PHF21B: variants seen among roughly 807,000 people sequenced by gnomAD.
PHF21B encodes PHD finger protein 4.
Under a neutral mutation model 62.2 loss-of-function variants are expected in PHF21B, and 22 were observed. The observed-to-expected ratio is 0.35, with a 90% CI of 0.25 to 0.51. The LOEUF (loss-of-function observed/expected upper bound fraction) is 0.51. Among genes scored for constraint, PHF21B ranks in the 20% least tolerant of loss-of-function variants. The probability of loss-of-function intolerance (pLI) is 0.97; values close to 1 mark genes in which losing one functional copy is unlikely to be tolerated. For synonymous variants in PHF21B, 341 were observed against 314.7 expected, an observed-to-expected ratio of 1.08 and a Z score of -0.88; for missense variants, 701 against 707.9, an observed-to-expected ratio of 0.99 and a Z score of 0.11.
At chr22:44,906,958 G>GC (rs2071261819) in intron 5 of PHF21B, among the ~76,000 whole-genome samples, 1 of 152,134 alleles carries the variant, frequency 6.6e-6, no homozygotes, top group African/African-American at 2.4e-5. Context: ...TGGGGTGATG[G>GC]CCACCGCCCT....
At chr22:44,966,697 G>A (rs534142791) in intron 2 of PHF21B, among the ~76,000 whole-genome samples, 13 of 152,334 alleles carry the variant, frequency 8.5e-5, no homozygotes, top group African/African-American at 3.1e-4. Flanking sequence ...GCATGAGGTA[G>A]CGGTAGCCCC....
chr22:44,960,956 A>T (rs375915352), intron 2 of PHF21B, among the ~76,000 whole-genome samples: 14 of 120,890 alleles, frequency 1.2e-4, no homozygotes, highest in Non-Finnish European at 9.8e-5. Flanking sequence ...ACGTGAGTTG[A>T]TTTTTTTTTT....
At chr22:44,927,456 C>A (rs2071654610) in intron 2 of PHF21B, among the ~76,000 whole-genome samples, 1 of 152,088 alleles carries the variant, frequency 6.6e-6, no homozygotes. Flanking sequence ...AAAGGAGAGA[C>A]GATTCTGAGT....
chr22:44,960,394 C>A (rs530425252), intron 2 of PHF21B, among the ~76,000 whole-genome samples: 1 of 152,246 alleles, frequency 6.6e-6, no homozygotes, highest in Admixed American at 6.5e-5. Context: ...CCAGGCAAAG[C>A]CCCCCACTCC....
chr22:44,946,667 A>T (rs2072080906), intron 2 of PHF21B, among the ~76,000 whole-genome samples: 1 of 151,970 alleles, frequency 6.6e-6, no homozygotes. Context: ...CGTGGGTAGA[A>T]TCAATTCCAC....
At chr22:44,943,335 C>T (rs1030876136) in intron 2 of PHF21B, among the ~76,000 whole-genome samples, 1 of 152,180 alleles carries the variant, frequency 6.6e-6, no homozygotes, top group African/African-American at 2.4e-5. Flanking sequence ...GGCCGTAATC[C>T]CTAGGACAGA....
intron 2 of PHF21B, among the ~76,000 whole-genome samples, chr22:44,965,112 C>G (rs1367793088): frequency 5.3e-5 from 8 of 152,148 alleles, no homozygotes; most frequent in Non-Finnish European, 1.0e-4. Flanking sequence ...GAGTCCCAGC[C>G]TGGGACTCAA....
At chr22:44,926,011 C>G (rs866786353) in intron 2 of PHF21B, among the ~76,000 whole-genome samples, 1 of 152,242 alleles carries the variant, frequency 6.6e-6, no homozygotes, top group Non-Finnish European at 1.5e-5. Context: ...GGCCGCAGGC[C>G]GAGAGTAAGC....
Position 44,891,288 on chromosome 22 carries a change from C to T in PHF21B, c.1015+18G>A. ...GGCCCTGAGCAGCTCTGGCAGAAGG[C>T]CTGAAGCCGGTGCTTACCTCTCGCT... is the stretch of plus-strand genomic sequence containing the variant. On this transcript the variant is annotated intron_variant, in intron 8 of 12. Transcript: ENST00000313237. 1 of 1,613,306 alleles carries T rather than the reference C, an allele frequency of 6.2e-7. No individual in the cohort carries two copies. The highest frequency in any genetic ancestry group is 8.5e-7 in the Non-Finnish European group (1 of 1,179,852).
intron 2 of PHF21B, among the ~76,000 whole-genome samples, chr22:44,940,131 A>C (rs1342127812): frequency 6.6e-6 from 1 of 152,198 alleles, no homozygotes; most frequent in Non-Finnish European, 1.5e-5. Flanking sequence ...GAAGTGCTTA[A>C]GATGCCGCAC....
chr22:44,913,890 G>A lies in PHF21B; in HGVS notation c.763C>T (p.Pro255Ser). 1 of 1,614,042 alleles carries A rather than the reference G, an allele frequency of 6.2e-7. No individual in the cohort carries two copies. Among genetic ancestry groups the A allele is most frequent in the Non-Finnish European group, 8.5e-7 (1 of 1,180,012 alleles). ...TTGGTGGCCTGAGCTCCCTGAGATG[G>A]CTCCTCTGTGGGCGGCCGCGACTCT... ...TAESRPPTEE[P>S]SQGAQATKKK... The change falls in exon 5 of 13, where the codon CCA becomes TCA. Residue 255 changes from proline (P) to serine (S), a missense_variant. Transcript: ENST00000313237.
At chr22:44,985,690 C>T (rs1297050053) in intron 2 of PHF21B, among the ~76,000 whole-genome samples, 1 of 152,196 alleles carries the variant, frequency 6.6e-6, no homozygotes, top group African/African-American at 2.4e-5. Flanking sequence ...TATTTCCTCA[C>T]AGGGATGTGT....
chr22:44,914,715 G>C (rs769797729), intron 4 of PHF21B, among the ~76,000 whole-genome samples: 4 of 152,170 alleles, frequency 2.6e-5, no homozygotes, highest in Non-Finnish European at 5.9e-5. Flanking sequence ...GATGGGGAAG[G>C]GGAAGGGGGT....
intron 2 of PHF21B, among the ~76,000 whole-genome samples, chr22:44,923,216 A>C (rs531410570): frequency 6.6e-6 from 1 of 152,302 alleles, no homozygotes; most frequent in Non-Finnish European, 1.5e-5. Flanking sequence ...AGCAAAGCCC[A>C]AAAAGGTAAT....
Position 44,902,675 on chromosome 22 carries a change from G to A in PHF21B, c.832-6592C>T, listed in dbSNP as rs190422214. Among the ~76,000 whole-genome samples, 227 of 152,040 alleles carry A rather than the reference G, an allele frequency of 1.5e-3. No individual in the cohort carries two copies. The Middle Eastern group carries it at 0.017, about 11-fold the overall frequency. The stretch of plus-strand genomic sequence containing the variant: ...TTAGCCATCTCTTCCATAAATCTGT[G>A]TATTTTAGCCATGTAGTTTCCTTCT... On this transcript the variant is annotated intron_variant, in intron 5 of 12. Coordinates refer to ENST00000313237, the MANE Select transcript of PHF21B (RefSeq NM_138415.5).
chr22:44,950,573 G>T (rs890263772), intron 2 of PHF21B, among the ~76,000 whole-genome samples: 1 of 151,770 alleles, frequency 6.6e-6, no homozygotes. Flanking sequence ...CTTCGTGTTC[G>T]TGTTTTTTTT....
chr22:44,887,244 A>C (rs1176714013), intron 10 of PHF21B, among the ~76,000 whole-genome samples: 2 of 152,050 alleles, frequency 1.3e-5, no homozygotes, highest in Non-Finnish European at 2.9e-5. Context: ...CTTGAAGCCA[A>C]GCACTGCTGC....
At chr22:44,945,666 G>A (rs533711859) in intron 2 of PHF21B, among the ~76,000 whole-genome samples, 63 of 150,440 alleles carry the variant, frequency 4.2e-4, no homozygotes, top group Non-Finnish European at 5.0e-4. Context: ...CCCCAGGAAC[G>A]CCATCTTCCA....
At chr22:44,917,922 T>C (rs2071467963) in intron 3 of PHF21B, among the ~76,000 whole-genome samples, 1 of 152,170 alleles carries the variant, frequency 6.6e-6, no homozygotes, top group Admixed American at 6.5e-5. Context: ...GATCTCTGTG[T>C]CCCCTGCCAT....
Sources: allele counts gnomAD v4.1 joint callset (sites outside exome capture counted in the v4.1 genomes callset), GRCh38; gene constraint gnomAD v4.1.1; transcripts MANE v1.5; gene names NCBI Gene and HGNC (gene_info 2026-07-23, HGNC 2026-07-21).